FGF12: variants seen among roughly 807,000 people sequenced by gnomAD.
FGF12 encodes fibroblast growth factor 12B.
A neutral mutation model predicts 23.6 loss-of-function variants in FGF12; 14 were observed. The observed-to-expected ratio is 0.59, with a 90% CI of 0.39 to 0.93. The LOEUF (loss-of-function observed/expected upper bound fraction) is 0.93, where lower values mean the gene tolerates loss of function less well. FGF12 is among the 40% of genes least tolerant of loss of function. The pLI, the probability that FGF12 is intolerant of heterozygous loss-of-function variation, is 0.00. For missense variants in FGF12, 175 were observed against 217.8 expected (o/e 0.80, Z 1.24); for synonymous variants, 62 against 77.3 (o/e 0.80, Z 1.04).
chr3:192,570,941 C>T (rs1030945006), intron 2 of FGF12, among the ~76,000 whole-genome samples: 2 of 152,098 alleles, frequency 1.3e-5, no homozygotes, highest in South Asian at 2.1e-4. Context: ...AAGTAAATGA[C>T]GTAGTAATGG....
At chr3:192,681,150 G>C (rs62294805) in intron 2 of FGF12, among the ~76,000 whole-genome samples, 1 of 152,226 alleles carries the variant, frequency 6.6e-6, no homozygotes, top group South Asian at 2.1e-4. Context: ...AAATGATAAA[G>C]GGTCAGAATA....
intron 4 of FGF12, among the ~76,000 whole-genome samples, chr3:192,204,680 G>GT (rs1031165231): frequency 6.6e-6 from 1 of 152,120 alleles, no homozygotes. Context: ...GAGGTCAGGA[G>GT]TTTGAGACCA....
chr3:192,263,108 A>G (rs532433871), intron 4 of FGF12, among the ~76,000 whole-genome samples: 28 of 152,202 alleles, frequency 1.8e-4, no homozygotes, highest in Middle Eastern at 3.4e-3. Flanking sequence ...TACTCTGTAC[A>G]TTCCCTGCAA....
intron 2 of FGF12, among the ~76,000 whole-genome samples, chr3:192,471,754 AG>A (rs1490432637): frequency 6.6e-6 from 1 of 152,240 alleles, no homozygotes; most frequent in African/African-American, 2.4e-5. Flanking sequence ...GAACATGTGT[AG>A]CTGAGTTTGC....
At chr3:192,148,269 T>C (rs1212735582) in intron 5 of FGF12, among the ~76,000 whole-genome samples, 1 of 152,210 alleles carries the variant, frequency 6.6e-6, no homozygotes, top group East Asian at 1.9e-4. Flanking sequence ...TAATGAAATA[T>C]TATTCAGCCT....
At chr3:192,538,804 C>T (rs1321858311) in intron 2 of FGF12, among the ~76,000 whole-genome samples, 2 of 152,112 alleles carry the variant, frequency 1.3e-5, no homozygotes, top group African/African-American at 4.8e-5. Flanking sequence ...TTGTTGTGCT[C>T]TTTAATTTCT....
rs557126002 is a variant in FGF12 at position 192,250,318 on chromosome 3, C to T, written c.229-79662G>A. On this transcript the variant is annotated intron_variant, in intron 4 of 5. Coordinates refer to ENST00000445105, the MANE Select transcript of FGF12 (RefSeq NM_004113.6). ...ATTAATCATTAGCTAGTTAAGTGTA[C>T]ACTAAGGAAAAATTAGAGTCATTAT... Among the ~76,000 whole-genome samples the T allele has an allele frequency of 2.1e-4, 32 of 152,114 alleles. No homozygotes were observed. In the East Asian group the frequency reaches 5.6e-3, roughly 27 times the overall value.
At chr3:192,434,559 A>C (rs11915785) in intron 2 of FGF12, among the ~76,000 whole-genome samples, 67,748 of 151,890 alleles carry the variant, frequency 0.45, 15,786 homozygotes, top group South Asian at 0.53. Context: ...GTGTGTGTGC[A>C]TGTGTATGTA....
At chr3:192,364,092 CA>C (rs1319005010) in intron 2 of FGF12, among the ~76,000 whole-genome samples, 2 of 152,144 alleles carry the variant, frequency 1.3e-5, no homozygotes, top group African/African-American at 4.8e-5. Flanking sequence ...GTAGGATTGC[CA>C]TAGGCAAGGA....
At chr3:192,308,866 T>C (rs1715792279) in intron 4 of FGF12, among the ~76,000 whole-genome samples, 1 of 152,188 alleles carries the variant, frequency 6.6e-6, no homozygotes, top group Non-Finnish European at 1.5e-5. Flanking sequence ...TCTAGAATTA[T>C]ATAAAAGAAA....
intron 2 of FGF12, among the ~76,000 whole-genome samples, chr3:192,430,087 C>A (rs929039426): frequency 6.6e-6 from 1 of 152,008 alleles, no homozygotes; most frequent in African/African-American, 2.4e-5. Context: ...ATGTTCATAG[C>A]AGCATATTCA....
At chr3:192,587,664 T>G (rs1029601930) in intron 2 of FGF12, among the ~76,000 whole-genome samples, 2 of 151,666 alleles carry the variant, frequency 1.3e-5, no homozygotes, top group Non-Finnish European at 2.9e-5. Context: ...TTTTTAATTT[T>G]TTAAAAATTT....
At chr3:192,302,961 G>T (rs1004759835) in intron 4 of FGF12, among the ~76,000 whole-genome samples, 1 of 152,142 alleles carries the variant, frequency 6.6e-6, no homozygotes, top group Admixed American at 6.5e-5. Flanking sequence ...AACATGGGAA[G>T]TCATCCAAAT....
chr3:192,542,639 T>C (rs2108578139), intron 2 of FGF12, among the ~76,000 whole-genome samples: 1 of 152,256 alleles, frequency 6.6e-6, no homozygotes, highest in Middle Eastern at 3.4e-3. Context: ...CACCTGTCCT[T>C]CTTTGGAAGG....
At chr3:192,719,933 T>G (rs1425447957) in intron 2 of FGF12, among the ~76,000 whole-genome samples, 1 of 152,248 alleles carries the variant, frequency 6.6e-6, no homozygotes, top group Admixed American at 6.5e-5. Flanking sequence ...GTTAGAGTGC[T>G]ATCAGTACTG....
chr3:192,369,739 G>A (rs1012088126), intron 2 of FGF12, among the ~76,000 whole-genome samples: 1 of 152,154 alleles, frequency 6.6e-6, no homozygotes, highest in Non-Finnish European at 1.5e-5. Flanking sequence ...CTAGGTGCTG[G>A]GTACAAAGAT....
At chr3:192,468,052 G>T (rs374972229) in intron 2 of FGF12, among the ~76,000 whole-genome samples, 2 of 152,186 alleles carry the variant, frequency 1.3e-5, no homozygotes, top group African/African-American at 4.8e-5. Context: ...TCCCGACAGT[G>T]GGGAAGTCCT....
At chr3:192,280,337 C>T (rs1472241213) in intron 4 of FGF12, among the ~76,000 whole-genome samples, 1 of 151,982 alleles carries the variant, frequency 6.6e-6, no homozygotes, top group Non-Finnish European at 1.5e-5. Context: ...AAATATGAAA[C>T]ATGGTATTTG....
chr3:192,676,627 AT>A (rs1717335469), intron 2 of FGF12, among the ~76,000 whole-genome samples: 1 of 152,248 alleles, frequency 6.6e-6, no homozygotes, highest in South Asian at 2.1e-4. Context: ...ATATTTTGAG[AT>A]AGGGCCCTTA....
Sources: allele counts gnomAD v4.1 joint callset (sites outside exome capture counted in the v4.1 genomes callset), GRCh38; gene constraint gnomAD v4.1.1; transcripts MANE v1.5; gene names NCBI Gene and HGNC (gene_info 2026-07-23, HGNC 2026-07-21).